LRP12: variants seen among roughly 807,000 people sequenced by gnomAD.
LRP12 encodes low-density lipoprotein receptor-related protein 12.
In LRP12, 14 loss-of-function variants were observed where a neutral mutation model predicts 66.0. That is an observed-to-expected ratio of 0.21 (90% CI 0.14 to 0.33). The LOEUF is 0.33. LRP12 is among the 10% of genes least tolerant of loss of function. The pLI is 1.00. For synonymous variants in LRP12, 357 were observed against 359.1 expected (o/e 0.99, Z 0.07); for missense variants, 889 against 1,053.4 (o/e 0.84, Z 2.16).
In LRP12 at chr8:104,491,307, G is replaced by A. The variant is rs776663032; in HGVS notation, c.1946C>T (p.Ser649Phe). The part of the protein sequence containing the change: ...ERNHTHRSLF[S>F]VESDDTDTEN... The stretch of plus-strand genomic sequence containing the variant: ...TGTGTCTGTATCATCAGACTCCACG[G>A]AAAACAAACTTCTGTGAGTATGATT... Residue 649 changes from serine (S) to phenylalanine (F), a missense_variant, in exon 7 of 7, where the codon TCC becomes TTC. Coordinates refer to ENST00000276654, the MANE Select transcript of LRP12 (RefSeq NM_013437.5). The A allele has an allele frequency of 1.1e-5, 18 of 1,613,958 alleles. No homozygotes were observed. In the South Asian group the frequency reaches 2.0e-4, roughly 18 times the overall value.
chr8:104,580,472 G>C (rs1299566150), intron 1 of LRP12, among the ~76,000 whole-genome samples: 1 of 151,338 alleles, frequency 6.6e-6, no homozygotes, highest in Non-Finnish European at 1.5e-5. Context: ...GGGGCTTGCA[G>C]AGAGCCAAGA....
intron 1 of LRP12, among the ~76,000 whole-genome samples, chr8:104,543,010 T>TATATATATATAA: frequency 6.7e-6 from 1 of 150,092 alleles, no homozygotes; most frequent in African/African-American, 2.5e-5. Flanking sequence ...TATATATATA[T>TATATATATATAA]ATAAATATAT....
At chr8:104,554,715 C>A (rs750990522) in intron 1 of LRP12, among the ~76,000 whole-genome samples, 5 of 152,044 alleles carry the variant, frequency 3.3e-5, no homozygotes, top group Admixed American at 6.6e-5. Context: ...AGGGAATAAT[C>A]AAGGAAAACT....
chr8:104,576,295 C>T (rs1056215272), intron 1 of LRP12, among the ~76,000 whole-genome samples: 5 of 152,214 alleles, frequency 3.3e-5, no homozygotes, highest in Admixed American at 6.5e-5. Flanking sequence ...TTCAAAAGAT[C>T]ATCCCCAAGG....
chr8:104,492,724 C>T (rs1810656970), intron 6 of LRP12, among the ~76,000 whole-genome samples: 1 of 152,006 alleles, frequency 6.6e-6, no homozygotes, highest in South Asian at 2.1e-4. Context: ...ATCATAGGAA[C>T]ATTTCATAGT....
At chr8:104,582,119 A>G (rs1812258771) in intron 1 of LRP12, among the ~76,000 whole-genome samples, 2 of 152,170 alleles carry the variant, frequency 1.3e-5, no homozygotes, top group African/African-American at 4.8e-5. Flanking sequence ...TGCTCCATTT[A>G]ATCCTAATAT....
rs1210908975 is a variant in LRP12, at chr8:104,489,755, G to GTGA, written c.*915_*917dup. The GTGA allele has an allele frequency of 2.0e-5, 3 of 152,522 alleles. No homozygotes were observed. The highest frequency in any genetic ancestry group is 1.3e-4 in the Admixed American group (2 of 15,296). The allele number at this position is 152,522 out of a possible 1,614,324, so 9.4% of individuals were successfully genotyped here. ...GTGGTAGCAAATAATAGTATTTAAA[G>GTGA]TGATAGTGCTTGTGCACTAAGCTCA... On this transcript the variant is annotated 3_prime_UTR_variant, in exon 7 of 7. Transcript: ENST00000276654.
intron 6 of LRP12, among the ~76,000 whole-genome samples, chr8:104,492,857 AAAG>A (rs1810659717): frequency 6.6e-6 from 1 of 151,836 alleles, no homozygotes; most frequent in Non-Finnish European, 1.5e-5. Flanking sequence ...TTAAAAAAAA[AAAG>A]AAAAAGAAAA....
chr8:104,578,095 A>T (rs1397101528), intron 1 of LRP12, among the ~76,000 whole-genome samples: 1 of 152,076 alleles, frequency 6.6e-6, no homozygotes, highest in Non-Finnish European at 1.5e-5. Context: ...CATTCAAAAC[A>T]TCAACAAATC....
chr8:104,569,803 A>G (rs1190623696), intron 1 of LRP12, among the ~76,000 whole-genome samples: 1 of 152,092 alleles, frequency 6.6e-6, no homozygotes, highest in Non-Finnish European at 1.5e-5. Context: ...AGTCTTAGCC[A>G]ATGCAATAAG....
intron 1 of LRP12, among the ~76,000 whole-genome samples, chr8:104,568,227 A>C (rs866475418): frequency 9.9e-5 from 15 of 152,180 alleles, no homozygotes; most frequent in Middle Eastern, 3.2e-3. Flanking sequence ...TGTGCAAAAG[A>C]ATGAATTTGA....
Position 104,489,815 on chromosome 8 carries a change from T to C in LRP12, c.*858A>G, listed in dbSNP as rs777274998. The C allele has an allele frequency of 5.9e-5, 9 of 152,604 alleles. No homozygotes were observed. Among genetic ancestry groups the C allele is most frequent in the Admixed American group, 2.0e-4 (3 of 15,270 alleles). 9.5% of individuals were successfully genotyped at this position (152,604 alleles called of 1,614,324 possible). A position where few individuals can be genotyped will look rare whatever the true frequency, so the allele number is the denominator to read the frequency against. ...TTGATATAATTTTAGTGCAAATCCC[T>C]AGGGTCCAATGCAAGCGCAACCCTG... On this transcript the variant is annotated 3_prime_UTR_variant, in exon 7 of 7. Coordinates refer to ENST00000276654, the MANE Select transcript of LRP12 (RefSeq NM_013437.5).
At chr8:104,579,173 T>C (rs559691181) in intron 1 of LRP12, among the ~76,000 whole-genome samples, 32 of 152,292 alleles carry the variant, frequency 2.1e-4, no homozygotes, top group African/African-American at 7.5e-4. Context: ...ATCCTATATG[T>C]AGAAAACCCC....
At chr8:104,527,820 C>T (rs1051780818) in intron 2 of LRP12, among the ~76,000 whole-genome samples, 1 of 151,516 alleles carries the variant, frequency 6.6e-6, no homozygotes, top group Non-Finnish European at 1.5e-5. Flanking sequence ...TACCCTAAAA[C>T]AAAGTATAAT....
chr8:104,495,308 A>C lies in LRP12; in HGVS notation c.1581-99T>G, dbSNP rs1588481377. The C allele has an allele frequency of 5.1e-6, 6 of 1,184,802 alleles. No homozygotes were observed. In the East Asian group the frequency reaches 1.4e-4, roughly 28 times the overall value. 73.4% of individuals were successfully genotyped at this position (1,184,802 alleles called of 1,614,324 possible). On this transcript the variant is annotated intron_variant, in intron 5 of 6. Transcript: ENST00000276654. ...ATTAAAACAATCTGAGTCTTGGCATATTTGATCATTTTAAAGCTTAGTCAT... is the reference window on the plus strand; with the variant it reads ...ATTAAAACAATCTGAGTCTTGGCATCTTTGATCATTTTAAAGCTTAGTCAT...
At chr8:104,544,334 T>A (rs1377049139) in intron 1 of LRP12, among the ~76,000 whole-genome samples, 1 of 152,186 alleles carries the variant, frequency 6.6e-6, no homozygotes, top group Non-Finnish European at 1.5e-5. Context: ...AAGGTGAGGC[T>A]GTAAGTACTG....
At chr8:104,567,825 G>A (rs965510308) in intron 1 of LRP12, among the ~76,000 whole-genome samples, 1 of 152,180 alleles carries the variant, frequency 6.6e-6, no homozygotes, top group Non-Finnish European at 1.5e-5. Flanking sequence ...GAAGGATTAA[G>A]ATTGGTAAGA....
intron 6 of LRP12, among the ~76,000 whole-genome samples, chr8:104,492,350 C>T (rs761989526): frequency 5.9e-5 from 9 of 151,960 alleles, no homozygotes; most frequent in African/African-American, 1.7e-4. Flanking sequence ...TCTAGATGAA[C>T]GAGTTTAGAG....
chr8:104,524,835 C>G (rs76944684), intron 2 of LRP12, among the ~76,000 whole-genome samples: 4,664 of 152,074 alleles, frequency 0.031, 240 homozygotes, highest in African/African-American at 0.11. Context: ...AGAATAAAGA[C>G]AGCATAAATT....
Sources: allele counts gnomAD v4.1 joint callset (sites outside exome capture counted in the v4.1 genomes callset), GRCh38; gene constraint gnomAD v4.1.1; transcripts MANE v1.5; gene names NCBI Gene and HGNC (gene_info 2026-07-23, HGNC 2026-07-21).